HECW2: variants seen among roughly 807,000 people sequenced by gnomAD.
The protein encoded by HECW2 is E3 ubiquitin-protein ligase HECW2.
A neutral mutation model predicts 175.2 loss-of-function variants in HECW2; 61 were observed. The ratio of observed to expected loss-of-function variants is 0.35; its 90% CI spans 0.28 to 0.43. The LOEUF (loss-of-function observed/expected upper bound fraction) is 0.43. HECW2 is among the 20% of genes least tolerant of loss of function. HECW2 has a pLI of 1.00. For synonymous variants in HECW2, 671 were observed against 731.0 expected, an observed-to-expected ratio of 0.92 and a Z score of 1.32; for missense variants, 1,524 against 2,000.5, an observed-to-expected ratio of 0.76 and a Z score of 4.54.
At chr2:196,519,741 T>G (rs995860652) in intron 1 of HECW2, among the ~76,000 whole-genome samples, 1 of 152,188 alleles carries the variant, frequency 6.6e-6, no homozygotes, top group Non-Finnish European at 1.5e-5. Context: ...AATTAATGTT[T>G]AAGCCAAGAA....
intron 3 of HECW2, among the ~76,000 whole-genome samples, chr2:196,337,944 T>C (rs556632767): frequency 9.8e-5 from 15 of 152,348 alleles, no homozygotes; most frequent in African/African-American, 3.6e-4. Flanking sequence ...CATTTGCTTA[T>C]AGCATTGCTA....
At chr2:196,469,614 T>C (rs541248971) in intron 1 of HECW2, among the ~76,000 whole-genome samples, 11 of 152,198 alleles carry the variant, frequency 7.2e-5, no homozygotes, top group Middle Eastern at 3.4e-3. Flanking sequence ...ATAGAGGTTA[T>C]TTACATATGT....
Position 196,285,814 on chromosome 2 carries a change from A to C in HECW2, c.3000+6751T>G, listed in dbSNP as rs1690365954. The stretch of plus-strand genomic sequence containing the variant: ...TCAGTAGTCCCAATTATTTCATGAC[A>C]TCTGTATCAGTCACAAAAAAGCTTA... On this transcript the variant is annotated intron_variant, in intron 14 of 28. Coordinates refer to ENST00000644978, the MANE Select transcript of HECW2 (RefSeq NM_001348768.2). Among the ~76,000 whole-genome samples the C allele has an allele frequency of 2.0e-5, 3 of 152,250 alleles. No homozygotes were observed. In the South Asian group the frequency reaches 6.2e-4, roughly 31 times the overall value.
At chr2:196,339,908 C>A in intron 3 of HECW2, among the ~76,000 whole-genome samples, 1 of 152,166 alleles carries the variant, frequency 6.6e-6, no homozygotes, top group East Asian at 1.9e-4. Context: ...TCCTTCAAAT[C>A]CATTCAGGTA....
intron 3 of HECW2, among the ~76,000 whole-genome samples, chr2:196,341,817 G>C (rs1173051248): frequency 6.6e-6 from 1 of 152,194 alleles, no homozygotes; most frequent in Non-Finnish European, 1.5e-5. Flanking sequence ...TGATTTACTA[G>C]TAAGGATGGT....
At chr2:196,516,345 T>C (rs1007704479) in intron 1 of HECW2, among the ~76,000 whole-genome samples, 2 of 152,230 alleles carry the variant, frequency 1.3e-5, no homozygotes, top group African/African-American at 4.8e-5. Flanking sequence ...TGTTTAGCTA[T>C]AATTGCAGTC....
Position 196,200,243 on chromosome 2 carries a change from C to T in HECW2, c.*1034G>A, listed in dbSNP as rs1686812027. 6.6e-6 allele frequency: 1 copy of T among 152,592 alleles called. No individual in the cohort carries two copies. Among genetic ancestry groups the T allele is most frequent in the Non-Finnish European group, 1.5e-5 (1 of 68,000 alleles). 9.5% of individuals were successfully genotyped at this position (152,592 alleles called of 1,614,324 possible). A position where few individuals can be genotyped will look rare whatever the true frequency, so the allele number is the denominator to read the frequency against. ...GATTTAGAAGCTATTTTCTATTATA[C>T]TTCTCAAGTGATGGAGTTGCTGTTA... On this transcript the variant is annotated 3_prime_UTR_variant, in exon 29 of 29. Transcript: ENST00000644978.
chr2:196,385,220 T>G (rs1694314098), intron 2 of HECW2, among the ~76,000 whole-genome samples: 1 of 152,184 alleles, frequency 6.6e-6, no homozygotes, highest in Admixed American at 6.5e-5. Flanking sequence ...TCTGATGGTT[T>G]CTTTTCTGTA....
At chr2:196,436,426 A>C (rs116638102) in intron 1 of HECW2, among the ~76,000 whole-genome samples, 2,135 of 151,552 alleles carry the variant, frequency 0.014, 54 homozygotes, top group African/African-American at 0.048. Context: ...AAAAAAGTTG[A>C]AACTCAACTT....
At chr2:196,488,138 C>G (rs559810212) in intron 1 of HECW2, among the ~76,000 whole-genome samples, 49 of 152,268 alleles carry the variant, frequency 3.2e-4, no homozygotes, top group African/African-American at 1.2e-3. Context: ...AATGGATCTA[C>G]AAGCATAGAA....
At chr2:196,447,864 T>C (rs945367294) in intron 1 of HECW2, among the ~76,000 whole-genome samples, 20 of 152,280 alleles carry the variant, frequency 1.3e-4, no homozygotes, top group Non-Finnish European at 2.1e-4. Context: ...GAGCCAAGCC[T>C]GGCCAATATG....
chr2:196,221,751 G>A (rs1687678503), intron 24 of HECW2, among the ~76,000 whole-genome samples: 1 of 152,036 alleles, frequency 6.6e-6, no homozygotes, highest in South Asian at 2.1e-4. Flanking sequence ...GTAGAGATAG[G>A]GTTTCACCAT....
intron 2 of HECW2, among the ~76,000 whole-genome samples, chr2:196,429,243 G>A (rs573035034): frequency 2.6e-5 from 4 of 151,638 alleles, no homozygotes; most frequent in Non-Finnish European, 1.5e-5. Flanking sequence ...CTGAGCCTGG[G>A]GGGGGCCTAC....
chr2:196,440,375 C>T (rs1696003794), intron 1 of HECW2, among the ~76,000 whole-genome samples: 2 of 151,992 alleles, frequency 1.3e-5, no homozygotes, highest in South Asian at 2.1e-4. Context: ...TATCTAATTG[C>T]TTTGGAAACC....
At chr2:196,470,022 T>C (rs115795205) in intron 1 of HECW2, among the ~76,000 whole-genome samples, 4,850 of 151,998 alleles carry the variant, frequency 0.032, 258 homozygotes, top group African/African-American at 0.11. Context: ...ATTCTATCTA[T>C]AAAAATAATA....
intron 13 of HECW2, among the ~76,000 whole-genome samples, chr2:196,299,525 G>A (rs1690951386): frequency 6.6e-6 from 1 of 152,102 alleles, no homozygotes; most frequent in African/African-American, 2.4e-5. Flanking sequence ...ACAAAACAAA[G>A]CAAAATAAAA....
In HECW2 at chr2:196,524,753, G is replaced by A. The variant is rs1688568763; in HGVS notation, c.-36+68755C>T. Among the ~76,000 whole-genome samples, 2 of 121,846 alleles carry A rather than the reference G, an allele frequency of 1.6e-5. 1 individual carries two copies. Among genetic ancestry groups the A allele is most frequent in the South Asian group, 5.1e-4 (2 of 3,946 alleles). The allele number at this position is 121,846 out of a possible 152,430, so 79.9% of individuals were successfully genotyped here. On this transcript the variant is annotated intron_variant, in intron 1 of 28. Transcript: ENST00000644978. ...TTATGTACCCCGTAGTCATTCAGGA[G>A]CAGGTTGTTCAGTTTCCATGCAGTT...
intron 1 of HECW2, among the ~76,000 whole-genome samples, chr2:196,555,951 A>G (rs936627691): frequency 6.6e-6 from 1 of 152,122 alleles, no homozygotes; most frequent in Non-Finnish European, 1.5e-5. Context: ...GCCTTCCTCC[A>G]CCACGTCCTT....
chr2:196,229,252 C>T (rs1687961324), intron 21 of HECW2, among the ~76,000 whole-genome samples: 1 of 151,808 alleles, frequency 6.6e-6, no homozygotes, highest in Admixed American at 6.6e-5. Context: ...TCTTTTCTCC[C>T]TCTATCTTAT....
Sources: gnomAD v4.1 joint callset for allele counts (sites outside exome capture counted in the v4.1 genomes callset) on GRCh38, gnomAD v4.1.1 for gene constraint, MANE v1.5 for transcripts, NCBI Gene and HGNC (gene_info 2026-07-23, HGNC 2026-07-21) for gene names.